The following STIL variants were observed in gnomAD, a reference collection of about 807,000 sequenced individuals.
STIL encodes the protein SCL-interrupting locus protein.
In STIL, 55 loss-of-function variants were observed where a neutral mutation model predicts 110.1. That is an observed-to-expected ratio of 0.50 (90% confidence interval 0.40 to 0.63). The LOEUF (loss-of-function observed/expected upper bound fraction) is 0.63, where lower values mean the gene tolerates loss of function less well. STIL is among the 20% of genes least tolerant of loss of function. The probability of loss-of-function intolerance (pLI) is 0.00; values close to 1 mark genes in which losing one functional copy is unlikely to be tolerated. For missense variants in STIL, 1,358 were observed against 1,530.0 expected (o/e 0.89, Z 1.87); for synonymous variants, 481 against 530.0 (o/e 0.91, Z 1.27).
Position 47,262,953 on chromosome 1 carries a change from G to T in STIL, c.2779C>A (p.Pro927Thr). The change falls in exon 15 of 17, where the codon CCC becomes ACC. Residue 927 changes from proline to threonine, a missense_variant. Coordinates refer to ENST00000371877, the MANE Select transcript of STIL (RefSeq NM_001048166.1). ...EEPKIEHVMQPLLHQPSDNQK... is the reference protein window; with the variant it reads ...EEPKIEHVMQTLLHQPSDNQK... ...TTATCTGATGGTTGATGAAGCAAGG[G>T]TTGCATTACATGCTCAATTTTTGGT... 6.2e-7 allele frequency: 1 copy of T among 1,614,142 alleles called. No individual in the cohort carries two copies. The highest frequency in any genetic ancestry group is 8.5e-7 in the Non-Finnish European group (1 of 1,180,040).
intron 3 of STIL, among the ~76,000 whole-genome samples, chr1:47,303,974 T>C (rs1645880111): frequency 1.3e-5 from 2 of 152,148 alleles, no homozygotes. Context: ...CCAGGCACTG[T>C]GACAATTGCT....
At chr1:47,252,038 T>G in intron 16 of STIL, 116 bp from the exon 17 acceptor site, 2 of 1,062,540 alleles carry the variant, frequency 1.9e-6, no homozygotes, top group Middle Eastern at 2.1e-4. Flanking sequence ...TTCATGGTCC[T>G]TTTATCTAAC....
chr1:47,303,363 G>A (rs913213711), intron 3 of STIL, among the ~76,000 whole-genome samples: 22 of 152,026 alleles, frequency 1.4e-4, no homozygotes, highest in Admixed American at 3.3e-4. Context: ...TCAGGAGTTC[G>A]TGACCAGCCT....
At chr1:47,309,980 G>A (rs943067746) in intron 2 of STIL, among the ~76,000 whole-genome samples, 6 of 152,202 alleles carry the variant, frequency 3.9e-5, no homozygotes, top group Non-Finnish European at 7.4e-5. Flanking sequence ...AAGGAGGGAC[G>A]GAACTAGTAT....
At chr1:47,289,066 A>C (rs1481537039) in intron 9 of STIL, among the ~76,000 whole-genome samples, 2 of 148,964 alleles carry the variant, frequency 1.3e-5, no homozygotes, top group East Asian at 1.9e-4. Context: ...CATCTCAAAA[A>C]AAAAAAAAAA....
intron 16 of STIL, among the ~76,000 whole-genome samples, chr1:47,259,019 C>CTTTT (rs1644402708): frequency 6.8e-5 from 1 of 14,636 alleles, no homozygotes; most frequent in African/African-American, 2.7e-4. Context: ...GACAGTCTTG[C>CTTTT]TTTGCTATCC....
chr1:47,277,326 T>C (rs573277230), intron 12 of STIL, among the ~76,000 whole-genome samples: 3 of 152,278 alleles, frequency 2.0e-5, no homozygotes, highest in Admixed American at 2.0e-4. Context: ...AGAGATGAGT[T>C]TGCAGAGAAA....
At chr1:47,282,693 T>C (rs1421338305) in intron 10 of STIL, 4 of 463,418 alleles carry the variant, frequency 8.6e-6, no homozygotes, top group Non-Finnish European at 1.2e-5. Flanking sequence ...TTTAACCTTG[T>C]ATTGTTAATG....
chr1:47,297,409 C>G (rs1258921926), intron 6 of STIL, among the ~76,000 whole-genome samples: 1 of 152,060 alleles, frequency 6.6e-6, no homozygotes, highest in Non-Finnish European at 1.5e-5. Context: ...CATCCCTCCC[C>G]CTACTTTCCC....
intron 12 of STIL, among the ~76,000 whole-genome samples, chr1:47,272,492 C>A (rs891388914): frequency 6.6e-6 from 1 of 150,870 alleles, no homozygotes; most frequent in Non-Finnish European, 1.5e-5. Flanking sequence ...GTCACCCAGG[C>A]TGTCACCCAG....
chr1:47,256,722 C>T (rs1397447268), intron 16 of STIL, among the ~76,000 whole-genome samples: 2 of 151,830 alleles, frequency 1.3e-5, no homozygotes, highest in African/African-American at 2.4e-5. Context: ...CGGCCAGGCA[C>T]GGTGGCTCAC....
intron 8 of STIL, among the ~76,000 whole-genome samples, chr1:47,291,110 A>G (rs2149089720): frequency 6.6e-6 from 1 of 152,334 alleles, no homozygotes; most frequent in East Asian, 1.9e-4. Flanking sequence ...CTGTAATCGC[A>G]GCACTTTGGG....
rs796964448 is a variant in STIL at position 47,256,544 on chromosome 1, C to T, written c.3080+3745G>A. 3.4e-5 allele frequency among the ~76,000 whole-genome samples: 5 copies of T among 147,882 alleles called. 1 individual carries two copies. Among genetic ancestry groups the T allele is most frequent in the African/African-American group, 1.3e-4 (5 of 39,884 alleles). ...GCGGAGGCAGAAGAATTGCTTGAAC[C>T]TGGGGGGCGGAGGTTGCAGTGAGCC... On this transcript the variant is annotated intron_variant, in intron 16 of 16. Coordinates refer to ENST00000371877, the MANE Select transcript of STIL (RefSeq NM_001048166.1).
chr1:47,303,594 G>T (rs1276025916), intron 3 of STIL, among the ~76,000 whole-genome samples: 3 of 152,032 alleles, frequency 2.0e-5, no homozygotes, highest in African/African-American at 4.8e-5. Context: ...AAATGAATAG[G>T]TTAGATGGCA....
chr1:47,308,902 G>A lies in STIL; in HGVS notation c.44+1374C>T, dbSNP rs185149683. Among the ~76,000 whole-genome samples, 380 of 151,832 alleles carry A rather than the reference G, an allele frequency of 2.5e-3. 2 individuals are homozygous for A. Among genetic ancestry groups the A allele is most frequent in the Admixed American group, 0.022 (341 of 15,224 alleles). The stretch of plus-strand genomic sequence containing the variant: ...AACCCCGTCTCTACTAAAAATACAA[G>A]TTAGCTGGGCATGGTGGCGCACGCC... On this transcript the variant is annotated intron_variant, in intron 2 of 16. Transcript: ENST00000371877.
At chr1:47,296,793 A>C (rs928798066) in intron 6 of STIL, among the ~76,000 whole-genome samples, 2 of 152,154 alleles carry the variant, frequency 1.3e-5, no homozygotes, top group Admixed American at 6.5e-5. Flanking sequence ...CAGCCTGGGC[A>C]ACAGAGTGAG....
rs774035449 is a variant in STIL at position 47,272,200 on chromosome 1, G to C, written c.2259C>G (p.Ser753=). 297 of 1,614,022 alleles carry C rather than the reference G, an allele frequency of 1.8e-4. No individual in the cohort carries two copies. Among genetic ancestry groups the C allele is most frequent in the Non-Finnish European group, 2.4e-4 (289 of 1,180,048 alleles). Residue 753 remains serine (S), a synonymous_variant, in exon 13 of 17, where the codon TCC becomes TCG. Coordinates refer to ENST00000371877, the MANE Select transcript of STIL (RefSeq NM_001048166.1). ...TGTCTTCAACAGCAGTTGTCTTAGG[G>C]GAACAGGGCATCAGAGACTGTGCTT... ...LLEAQSLMPC[S]PKTTAVEDTV... is the part of the protein sequence containing the mutation.
At chr1:47,302,492 G>A in intron 3 of STIL, 146 bp from the exon 4 acceptor site, 1 of 686,078 alleles carries the variant, frequency 1.5e-6, no homozygotes, top group Non-Finnish European at 2.6e-6. Flanking sequence ...TCAAAGGCAG[G>A]GGATACGGAG....
At position 47,258,992 on chromosome 1, in the gene STIL, C is replaced by CTT. The variant is rs549227243; in HGVS notation, c.3080+1295_3080+1296dup. Among the ~76,000 whole-genome samples the CTT allele has an allele frequency of 3.7e-4, 35 of 94,424 alleles. 3 individuals carry two copies. Among genetic ancestry groups the CTT allele is most frequent in the Middle Eastern group, 0.02 (2 of 98 alleles). The allele number at this position is 94,424 out of a possible 152,430, so 61.9% of individuals were successfully genotyped here. On this transcript the variant is annotated intron_variant, in intron 16 of 16. Coordinates refer to ENST00000371877, the MANE Select transcript of STIL (RefSeq NM_001048166.1). ...GAAATGGTTAAGAGAAGTAACTTTG[C>CTT]TTTTTTTTTTTTTTGAGACAGTCTT...
Sources: allele counts gnomAD v4.1 joint callset (sites outside exome capture counted in the v4.1 genomes callset), GRCh38; gene constraint gnomAD v4.1.1; transcripts MANE v1.5; gene names NCBI Gene and HGNC (gene_info 2026-07-23, HGNC 2026-07-21).